GSG1L: variants seen among roughly 807,000 people sequenced by gnomAD.
GSG1L encodes the protein germ cell-specific gene 1-like protein.
Under a neutral mutation model 42.1 loss-of-function variants are expected in GSG1L, and 24 were observed. The observed-to-expected ratio is 0.57, with a 90% CI of 0.41 to 0.80. GSG1L has a LOEUF of 0.80. GSG1L is among the 30% of genes least tolerant of loss of function. The pLI is 0.00. For synonymous variants in GSG1L, 215 were observed against 203.5 expected (o/e 1.06, Z -0.48); for missense variants, 445 against 472.2 (o/e 0.94, Z 0.53).
At chr16:27,933,968 A>G (rs1340392735) in intron 2 of GSG1L, among the ~76,000 whole-genome samples, 1 of 152,176 alleles carries the variant, frequency 6.6e-6, no homozygotes, top group Non-Finnish European at 1.5e-5. Context: ...CTTGGAGTTG[A>G]ACTCAATTAA....
intron 3 of GSG1L, among the ~76,000 whole-genome samples, chr16:27,879,442 C>CA (rs967479655): frequency 6.6e-6 from 1 of 151,832 alleles, no homozygotes; most frequent in Non-Finnish European, 1.5e-5. Flanking sequence ...CTCATCTTCA[C>CA]AAAAAAATTA....
At chr16:27,852,669 G>A (rs2083528589) in intron 3 of GSG1L, among the ~76,000 whole-genome samples, 1 of 152,200 alleles carries the variant, frequency 6.6e-6, no homozygotes, top group Non-Finnish European at 1.5e-5. Context: ...AGGGATAAAC[G>A]AGGACATTCC....
chr16:27,808,640 A>G (rs1051905062), intron 5 of GSG1L, among the ~76,000 whole-genome samples: 2 of 152,142 alleles, frequency 1.3e-5, no homozygotes, highest in Non-Finnish European at 2.9e-5. Context: ...TCTGGTCTCA[A>G]ACTCCTGACC....
intron 4 of GSG1L, among the ~76,000 whole-genome samples, chr16:27,835,551 T>C (rs2083313484): frequency 6.6e-6 from 1 of 152,114 alleles, no homozygotes; most frequent in Non-Finnish European, 1.5e-5. Context: ...TTTTGTTCTT[T>C]CCTGCTTGTT....
intron 1 of GSG1L, among the ~76,000 whole-genome samples, chr16:27,967,028 G>A (rs1374209453): frequency 3.3e-5 from 5 of 152,132 alleles, no homozygotes; most frequent in African/African-American, 1.2e-4. Context: ...TGCGACACTA[G>A]ACTGGATAAA....
chr16:28,020,093 C>T (rs2085823165), intron 1 of GSG1L, among the ~76,000 whole-genome samples: 1 of 152,206 alleles, frequency 6.6e-6, no homozygotes, highest in African/African-American at 2.4e-5. Flanking sequence ...TGCCTTCGTT[C>T]GCGCAGAGAC....
intron 1 of GSG1L, among the ~76,000 whole-genome samples, chr16:27,966,738 C>T (rs192841727): frequency 9.0e-4 from 137 of 152,204 alleles, no homozygotes; most frequent in African/African-American, 3.0e-3. Context: ...AGAGAGGGGG[C>T]GCACGCTGGA....
At chr16:28,037,592 C>CGGGAAG (rs2086055292) in intron 1 of GSG1L, among the ~76,000 whole-genome samples, 1 of 152,198 alleles carries the variant, frequency 6.6e-6, no homozygotes, top group African/African-American at 2.4e-5. Context: ...AGGTCATGCT[C>CGGGAAG]TGGTTTGGGG....
At chr16:27,959,376 G>A (rs1261935968) in intron 2 of GSG1L, among the ~76,000 whole-genome samples, 2 of 151,644 alleles carry the variant, frequency 1.3e-5, no homozygotes, top group South Asian at 2.1e-4. Context: ...GCTGAGGCAG[G>A]AGAATCGCTT....
chr16:27,833,489 T>C (rs1158049250), intron 4 of GSG1L, among the ~76,000 whole-genome samples: 1 of 152,198 alleles, frequency 6.6e-6, no homozygotes, highest in African/African-American at 2.4e-5. Flanking sequence ...TCCTTTGCCT[T>C]CCCATATAAA....
chr16:27,986,942 C>A (rs905994725), intron 1 of GSG1L, among the ~76,000 whole-genome samples: 1 of 152,240 alleles, frequency 6.6e-6, no homozygotes, highest in Non-Finnish European at 1.5e-5. Context: ...TCAGTTCAGG[C>A]ACAGTGGCTC....
intron 5 of GSG1L, among the ~76,000 whole-genome samples, chr16:27,819,059 C>T (rs2140955437): frequency 6.6e-6 from 1 of 152,176 alleles, no homozygotes; most frequent in East Asian, 1.9e-4. Flanking sequence ...ACCAGCCTGA[C>T]CAACAAGGTG....
chr16:27,874,035 G>A lies in GSG1L; in HGVS notation c.550+10451C>T, dbSNP rs564667118. On this transcript the variant is annotated intron_variant, in intron 3 of 6. Transcript: ENST00000447459. ...CAAACTGAACATAGCTGGGAGAGGG[G>A]AGCAGGTGACAGCTCAGCTGCAGAT... is the stretch of plus-strand genomic sequence containing the variant. 7.9e-4 allele frequency among the ~76,000 whole-genome samples: 120 copies of A among 152,296 alleles called. 4 individuals are homozygous for A. The South Asian group carries it at 0.018, about 23-fold the overall frequency.
intron 1 of GSG1L, among the ~76,000 whole-genome samples, chr16:28,004,430 A>G (rs988595053): frequency 3.3e-5 from 5 of 151,466 alleles, no homozygotes; most frequent in Admixed American, 1.3e-4. Flanking sequence ...ACGGAAATCC[A>G]GAGAGCCAGA....
At chr16:27,825,795 A>G (rs1467611739) in intron 5 of GSG1L, among the ~76,000 whole-genome samples, 3 of 152,148 alleles carry the variant, frequency 2.0e-5, no homozygotes, top group African/African-American at 7.2e-5. Flanking sequence ...CATGAGATCT[A>G]ATGGCTTTAT....
intron 1 of GSG1L, among the ~76,000 whole-genome samples, chr16:28,022,242 A>G (rs978739180): frequency 6.6e-6 from 1 of 152,032 alleles, no homozygotes; most frequent in Admixed American, 6.6e-5. Flanking sequence ...TTTATTTTTG[A>G]CCTCAGAGGT....
chr16:27,900,558 T>C (rs772867), intron 2 of GSG1L, among the ~76,000 whole-genome samples: 69,784 of 151,920 alleles, frequency 0.46, 17,917 homozygotes, highest in East Asian at 0.61. Flanking sequence ...CCAGGCTCCA[T>C]CTTCCAGGTA....
intron 3 of GSG1L, among the ~76,000 whole-genome samples, chr16:27,861,951 G>A (rs562782866): frequency 6.6e-6 from 1 of 152,270 alleles, no homozygotes; most frequent in South Asian, 2.1e-4. Context: ...GAAGCCAATG[G>A]CCTAGTGGTC....
chr16:27,815,888 T>A (rs1201926920), intron 5 of GSG1L, among the ~76,000 whole-genome samples: 4 of 151,970 alleles, frequency 2.6e-5, no homozygotes, highest in African/African-American at 9.7e-5. Flanking sequence ...GGTGGGAGGA[T>A]CACCCAAGGC....
Sources: gnomAD v4.1 joint callset for allele counts (sites outside exome capture counted in the v4.1 genomes callset) on GRCh38, gnomAD v4.1.1 for gene constraint, MANE v1.5 for transcripts, NCBI Gene and HGNC (gene_info 2026-07-23, HGNC 2026-07-21) for gene names.